GABRB1: variants seen among roughly 807,000 people sequenced by gnomAD.
GABRB1 encodes gamma-aminobutyric acid type A receptor subunit beta1.
A neutral mutation model predicts 51.6 loss-of-function variants in GABRB1; 17 were observed. The observed-to-expected ratio is 0.33, with a 90% CI of 0.23 to 0.49. GABRB1 has a LOEUF of 0.49. Ranked by LOEUF, GABRB1 falls within the 20% of genes least tolerant of loss-of-function variation. GABRB1 has a pLI of 0.99. For synonymous variants in GABRB1, 247 were observed against 218.9 expected (o/e 1.13, Z -1.14); for missense variants, 410 against 600.6 (o/e 0.68, Z 3.32).
At chr4:47,111,351 G>T (rs561521716) in intron 3 of GABRB1, among the ~76,000 whole-genome samples, 1 of 151,890 alleles carries the variant, frequency 6.6e-6, no homozygotes, top group East Asian at 1.9e-4. Flanking sequence ...ATGTAAATTT[G>T]CAAGTAACAC....
intron 5 of GABRB1, among the ~76,000 whole-genome samples, chr4:47,335,695 A>G (rs909820793): frequency 6.6e-6 from 1 of 152,210 alleles, no homozygotes; most frequent in Non-Finnish European, 1.5e-5. Context: ...TGCATAACAA[A>G]CATTGAAAAT....
Position 47,005,682 on chromosome 4 carries a change from T to A in GABRB1, c.-20+11756T>A, listed in dbSNP as rs565541198. Among the ~76,000 whole-genome samples, 278 of 149,124 alleles carry A rather than the reference T, an allele frequency of 1.9e-3. 2 individuals carry two copies. The highest frequency in any genetic ancestry group is 6.7e-3 in the African/African-American group (274 of 40,610). ...GATCCAAGGACTAAAAATGTCCTTT[T>A]GTCAATCACAGAGAACTTTACGTCT... On this transcript the variant is annotated intron_variant, in intron 1 of 3. Transcript: ENST00000513567.
At chr4:47,399,485 T>G (rs891493150) in intron 5 of GABRB1, among the ~76,000 whole-genome samples, 1 of 152,204 alleles carries the variant, frequency 6.6e-6, no homozygotes, top group East Asian at 1.9e-4. Flanking sequence ...TAAAAAATGC[T>G]TTCTTCTGAG....
intron 3 of GABRB1, among the ~76,000 whole-genome samples, chr4:47,062,618 A>G (rs935677196): frequency 6.6e-6 from 1 of 152,074 alleles, no homozygotes; most frequent in African/African-American, 2.4e-5. Flanking sequence ...ACTCTTTCCA[A>G]TACATTCAAA....
chr4:47,100,016 G>GA (rs1047540181), intron 3 of GABRB1, among the ~76,000 whole-genome samples: 1 of 151,742 alleles, frequency 6.6e-6, no homozygotes, highest in Non-Finnish European at 1.5e-5. Context: ...ATATAATAAA[G>GA]AAAAAAAGAT....
chr4:47,273,441 T>A (rs990238370), intron 4 of GABRB1, among the ~76,000 whole-genome samples: 3 of 152,030 alleles, frequency 2.0e-5, no homozygotes, highest in African/African-American at 7.2e-5. Flanking sequence ...ACAAGGAAAA[T>A]CTGATTTACC....
intron 4 of GABRB1, among the ~76,000 whole-genome samples, chr4:47,188,256 C>A (rs1447369411): frequency 6.6e-6 from 1 of 151,848 alleles, no homozygotes. Context: ...TTTAAAAAGC[C>A]AGTTATATTT....
chr4:47,228,077 A>C (rs1349195291), intron 4 of GABRB1, among the ~76,000 whole-genome samples: 1 of 152,214 alleles, frequency 6.6e-6, no homozygotes, highest in Non-Finnish European at 1.5e-5. Context: ...AACACAGTTT[A>C]GTCCATAACA....
At chr4:47,425,542 G>A (rs1297948952) in intron 8 of GABRB1, 132 bp from the exon 9 acceptor site, 3 of 650,806 alleles carry the variant, frequency 4.6e-6, no homozygotes, top group Non-Finnish European at 8.1e-6. Context: ...CTCCACATCA[G>A]GGAGGCACAT....
chr4:47,182,495 T>A (rs1408396985), intron 4 of GABRB1, among the ~76,000 whole-genome samples: 1 of 152,020 alleles, frequency 6.6e-6, no homozygotes, highest in East Asian at 1.9e-4. Context: ...TTTATGTGCA[T>A]AGGGAATATT....
chr4:47,237,983 A>T (rs1462381601), intron 4 of GABRB1, among the ~76,000 whole-genome samples: 1 of 152,008 alleles, frequency 6.6e-6, no homozygotes, highest in African/African-American at 2.4e-5. Context: ...ATTAATTTGA[A>T]TTTATATTTC....
chr4:47,356,149 C>CA (rs1366189604), intron 5 of GABRB1, among the ~76,000 whole-genome samples: 1 of 152,134 alleles, frequency 6.6e-6, no homozygotes, highest in African/African-American at 2.4e-5. Context: ...ATCTGGCTCC[C>CA]CAAAGGGTTT....
At chr4:47,290,325 C>T (rs962270840) in intron 4 of GABRB1, among the ~76,000 whole-genome samples, 5 of 152,156 alleles carry the variant, frequency 3.3e-5, no homozygotes, top group Non-Finnish European at 7.4e-5. Context: ...CTCTTGTGTG[C>T]CACCACATGA....
At chr4:47,042,851 G>A (rs1057265972) in intron 3 of GABRB1, among the ~76,000 whole-genome samples, 2 of 151,768 alleles carry the variant, frequency 1.3e-5, no homozygotes, top group Non-Finnish European at 2.9e-5. Context: ...CATTTTGTAT[G>A]TATACAAAAT....
intron 5 of GABRB1, among the ~76,000 whole-genome samples, chr4:47,371,479 T>C (rs756028030): frequency 2.0e-5 from 3 of 152,222 alleles, no homozygotes; most frequent in South Asian, 2.1e-4. Flanking sequence ...GTTCAAGTGG[T>C]ATTTCTGCCT....
chr4:47,334,186 G>A (rs1037849291), intron 5 of GABRB1, among the ~76,000 whole-genome samples: 2 of 152,154 alleles, frequency 1.3e-5, no homozygotes, highest in African/African-American at 4.8e-5. Context: ...GCTGTTGGTT[G>A]ATGGACTCAA....
intron 4 of GABRB1, among the ~76,000 whole-genome samples, chr4:47,239,921 T>C (rs927217502): frequency 1.3e-5 from 2 of 152,150 alleles, no homozygotes; most frequent in African/African-American, 4.8e-5. Context: ...GCAATCAACT[T>C]CATGTACATT....
At position 47,135,256 on chromosome 4, in the gene GABRB1, T is replaced by C. The variant is rs1716592628; in HGVS notation, c.241-25993T>C. 1.3e-5 allele frequency among the ~76,000 whole-genome samples: 2 copies of C among 152,226 alleles called. 1 individual carries two copies. The highest frequency in any genetic ancestry group is 4.1e-4 in the South Asian group (2 of 4,830). On this transcript the variant is annotated intron_variant, in intron 3 of 8. Transcript: ENST00000295454. The stretch of plus-strand genomic sequence containing the variant: ...GGGGAGAAGGTGTTGAGTTTCATTT[T>C]ATTTTGGTAAGCTTTAGGAATCGGC...
chr4:47,204,517 A>G (rs1337211172), intron 4 of GABRB1, among the ~76,000 whole-genome samples: 2 of 152,048 alleles, frequency 1.3e-5, no homozygotes, highest in Admixed American at 6.6e-5. Context: ...TAACCCAAAC[A>G]TACTTGATAT....
Sources: allele counts gnomAD v4.1 joint callset (sites outside exome capture counted in the v4.1 genomes callset), GRCh38; gene constraint gnomAD v4.1.1; transcripts MANE v1.5; gene names NCBI Gene and HGNC (gene_info 2026-07-23, HGNC 2026-07-21).